The following UCHL3 variants were observed in gnomAD, a reference collection of about 807,000 sequenced individuals.
The protein encoded by UCHL3 is ubiquitin C-terminal hydrolase L3.
Under a neutral mutation model 35.8 loss-of-function variants are expected in UCHL3, and 22 were observed. The ratio of observed to expected loss-of-function variants is 0.61; its 90% CI spans 0.44 to 0.88. UCHL3 has a LOEUF of 0.88. UCHL3 is among the 40% of genes least tolerant of loss of function. The pLI is 0.00. For synonymous variants in UCHL3, 90 were observed against 92.8 expected (o/e 0.97, Z 0.17); for missense variants, 229 against 276.9 (o/e 0.83, Z 1.23).
chr13:75,587,441 A>T (rs1221799215), intron 6 of UCHL3, among the ~76,000 whole-genome samples: 1 of 152,094 alleles, frequency 6.6e-6, no homozygotes, highest in Non-Finnish European at 1.5e-5. Flanking sequence ...TATTATATCA[A>T]TATAAAATTT....
intron 2 of UCHL3, among the ~76,000 whole-genome samples, chr13:75,557,746 G>A (rs1197743946): frequency 1.3e-5 from 2 of 152,106 alleles, no homozygotes; most frequent in East Asian, 3.8e-4. Context: ...ATACATATGT[G>A]TATCAGTTCT....
chr13:75,562,908 A>G (rs2031562381), intron 3 of UCHL3, among the ~76,000 whole-genome samples: 1 of 152,190 alleles, frequency 6.6e-6, no homozygotes, highest in Admixed American at 6.5e-5. Flanking sequence ...TAGAGAATAT[A>G]AATAGCATGT....
At chr13:75,604,881 C>A in intron 8 of UCHL3, 54 bp downstream of exon 8, 1 of 1,461,482 alleles carries the variant, frequency 6.8e-7, no homozygotes, top group Non-Finnish European at 9.4e-7. Flanking sequence ...ATCTTTAAAA[C>A]ATCTCTAAAG....
At chr13:75,560,670 C>T in intron 2 of UCHL3, 83 bp from the exon 3 acceptor site, 1 of 1,300,468 alleles carries the variant, frequency 7.7e-7, no homozygotes. Context: ...GATCATTTCC[C>T]TTTTAACACT....
At position 75,566,838 on chromosome 13, in the gene UCHL3, CA is replaced by C; in HGVS notation, c.329del (p.Lys110ArgfsTer10). 1 of 1,589,836 alleles carries C rather than the reference CA, an allele frequency of 6.3e-7. No homozygotes were observed. The highest frequency in any genetic ancestry group is 8.5e-7 in the Non-Finnish European group (1 of 1,172,456). The stretch of plus-strand genomic sequence containing the variant: ...TTCATGCTATTGCAAACAATAAAGA[CA>C]AGATGCACTTTGGTAAATGATTTTT... ...LIHAIANNKDKMHFESGSTLK... is the reference protein window; with the variant it reads ...LIHAIANNKDXMHFESGSTLK... On this transcript the variant is annotated frameshift_variant, in exon 4 of 9. Transcript: ENST00000377595. LOFTEE classifies it high-confidence loss of function.
intron 2 of UCHL3, among the ~76,000 whole-genome samples, chr13:75,551,696 A>G (rs2031114787): frequency 6.6e-6 from 1 of 152,218 alleles, no homozygotes; most frequent in Non-Finnish European, 1.5e-5. Flanking sequence ...AGACTAAAAA[A>G]CAAAACTTTT....
intron 6 of UCHL3, among the ~76,000 whole-genome samples, chr13:75,569,934 G>C (rs576617822): frequency 6.6e-6 from 1 of 152,194 alleles, no homozygotes; most frequent in South Asian, 2.1e-4. Context: ...ATTTGTTTCA[G>C]GGTAATGTAA....
rs562102781 is a variant in UCHL3 at position 75,566,107 on chromosome 13, G to C, written c.184-588G>C. Among the ~76,000 whole-genome samples the C allele has an allele frequency of 3.9e-5, 6 of 152,266 alleles. No individual in the cohort carries two copies. The South Asian group carries it at 8.3e-4, about 21-fold the overall frequency. ...AATATAGAAACGTAACAATTAGCAA[G>C]TAAAAGTTCTCCAGTAATCTCTTGG... is the stretch of plus-strand genomic sequence containing the variant. On this transcript the variant is annotated intron_variant, in intron 3 of 8. Coordinates refer to ENST00000377595, the MANE Select transcript of UCHL3 (RefSeq NM_006002.5).
At chr13:75,602,303 T>G (rs983634440) in intron 7 of UCHL3, among the ~76,000 whole-genome samples, 1 of 152,182 alleles carries the variant, frequency 6.6e-6, no homozygotes, top group Non-Finnish European at 1.5e-5. Flanking sequence ...CTTGTACAAC[T>G]CTGTTGTCAC....
chr13:75,575,157 A>G (rs2031980603), intron 6 of UCHL3, among the ~76,000 whole-genome samples: 1 of 152,228 alleles, frequency 6.6e-6, no homozygotes, highest in Non-Finnish European at 1.5e-5. Flanking sequence ...CTGTAAGTTG[A>G]GTCACCAAAA....
intron 7 of UCHL3, among the ~76,000 whole-genome samples, chr13:75,599,031 G>A (rs969899130): frequency 1.3e-5 from 2 of 152,030 alleles, no homozygotes; most frequent in African/African-American, 4.8e-5. Context: ...CCTTTGAAAG[G>A]AACCCCTTCA....
Position 75,592,691 on chromosome 13 carries a change from T to C in UCHL3, c.475-2224T>C, listed in dbSNP as rs191279056. On this transcript the variant is annotated intron_variant, in intron 6 of 8. Transcript: ENST00000377595. ...GGGCTTATCACAGGTTCTGAGGTTT[T>C]GTGGAAGGCTTAGAAGTTTTGAGCT... Among the ~76,000 whole-genome samples, 956 of 151,666 alleles carry C rather than the reference T, an allele frequency of 6.3e-3. 6 individuals are homozygous for C. The highest frequency in any genetic ancestry group is 9.1e-3 in the Non-Finnish European group (617 of 67,856).
chr13:75,586,373 A>G lies in UCHL3; in HGVS notation c.475-8542A>G, dbSNP rs1338923210. Among the ~76,000 whole-genome samples the G allele has an allele frequency of 2.6e-5, 4 of 152,058 alleles. No individual in the cohort carries two copies. In the East Asian group the frequency reaches 5.8e-4, roughly 22 times the overall value. On this transcript the variant is annotated intron_variant, in intron 6 of 8. Coordinates refer to ENST00000377595, the MANE Select transcript of UCHL3 (RefSeq NM_006002.5). ...GCTAACAATTAGAGCCTCTAAATGT[A>G]TGAGGCAAACACTGTTAGAACTGAA...
chr13:75,590,174 TG>T, intron 6 of UCHL3: 1 of 1,215,190 alleles, frequency 8.2e-7, no homozygotes, highest in African/African-American at 1.7e-5. Flanking sequence ...TGACAAGGGC[TG>T]TCTTTTTTTT....
At chr13:75,559,688 C>T (rs932134564) in intron 2 of UCHL3, among the ~76,000 whole-genome samples, 2 of 152,102 alleles carry the variant, frequency 1.3e-5, no homozygotes, top group Non-Finnish European at 2.9e-5. Flanking sequence ...GGAGAAATGC[C>T]TATGGCACCT....
chr13:75,582,985 T>C (rs1326168009), intron 6 of UCHL3, among the ~76,000 whole-genome samples: 1 of 152,208 alleles, frequency 6.6e-6, no homozygotes, highest in East Asian at 1.9e-4. Flanking sequence ...CACTGTTATG[T>C]CTATATTATG....
chr13:75,573,158 G>A (rs142355340), intron 6 of UCHL3, among the ~76,000 whole-genome samples: 47 of 152,164 alleles, frequency 3.1e-4, no homozygotes, highest in African/African-American at 1.1e-3. Context: ...CAGCTATTTG[G>A]GAGGCTGAGG....
intron 3 of UCHL3, among the ~76,000 whole-genome samples, chr13:75,562,163 T>A (rs1380450874): frequency 6.6e-6 from 1 of 152,120 alleles, no homozygotes; most frequent in Admixed American, 6.5e-5. Flanking sequence ...TCCTGGAAAT[T>A]CCTGGATCAT....
rs573519320 is a variant in UCHL3, at chr13:75,558,617, T to G, written c.55-2136T>G. Among the ~76,000 whole-genome samples, 3 of 152,234 alleles carry G rather than the reference T, an allele frequency of 2.0e-5. No homozygotes were observed. In the East Asian group the frequency reaches 5.8e-4, roughly 29 times the overall value. On this transcript the variant is annotated intron_variant, in intron 2 of 8. Transcript: ENST00000377595. ...CTGATTTGATTAATGAATGCTAGGGTTTTAGATTAGGAGCCAAAGGTATCT... is the reference window on the plus strand; with the variant it reads ...CTGATTTGATTAATGAATGCTAGGGGTTTAGATTAGGAGCCAAAGGTATCT...
Sources: gnomAD v4.1 joint callset for allele counts (sites outside exome capture counted in the v4.1 genomes callset) on GRCh38, gnomAD v4.1.1 for gene constraint, MANE v1.5 for transcripts, NCBI Gene and HGNC (gene_info 2026-07-23, HGNC 2026-07-21) for gene names.